The following BLMH variants were observed in gnomAD, a reference collection of about 807,000 sequenced individuals.
The protein encoded by BLMH is BLM hydrolase.
In BLMH, 32 loss-of-function variants were observed where a neutral mutation model predicts 61.6. The observed-to-expected ratio is 0.52, with a 90% CI of 0.39 to 0.70. BLMH has a LOEUF of 0.70. Among genes scored for constraint, BLMH ranks in the 30% least tolerant of loss-of-function variants. The probability of loss-of-function intolerance (pLI) is 0.00; values close to 1 mark genes in which losing one functional copy is unlikely to be tolerated. For missense variants in BLMH, 460 were observed against 555.5 expected, an observed-to-expected ratio of 0.83 and a Z score of 1.73; for synonymous variants, 183 against 193.8, an observed-to-expected ratio of 0.94 and a Z score of 0.46.
chr17:30,275,231 AGAG>A (rs1384962056), intron 6 of BLMH, among the ~76,000 whole-genome samples: 2 of 152,118 alleles, frequency 1.3e-5, no homozygotes, highest in East Asian at 3.9e-4. Flanking sequence ...AATAAAAAGA[AGAG>A]GAGTGACTTT....
At chr17:30,284,702 T>C (rs1908681374) in intron 6 of BLMH, among the ~76,000 whole-genome samples, 2 of 152,342 alleles carry the variant, frequency 1.3e-5, no homozygotes, top group East Asian at 1.9e-4. Flanking sequence ...TAACCATCAA[T>C]AGCTCCGTCT....
At chr17:30,270,423 GC>G (rs143017963) in intron 10 of BLMH, among the ~76,000 whole-genome samples, 7,988 of 150,506 alleles carry the variant, frequency 0.053, 262 homozygotes, top group Middle Eastern at 0.079. Context: ...AATCTTTTGA[GC>G]CCCAGAGGTG....
At chr17:30,267,993 A>G (rs963367341) in intron 10 of BLMH, among the ~76,000 whole-genome samples, 1 of 152,204 alleles carries the variant, frequency 6.6e-6, no homozygotes, top group African/African-American at 2.4e-5. Flanking sequence ...TCTCACAAAT[A>G]GCGCCAACAA....
At chr17:30,268,827 A>G (rs1209239292) in intron 10 of BLMH, among the ~76,000 whole-genome samples, 1 of 150,966 alleles carries the variant, frequency 6.6e-6, no homozygotes, top group African/African-American at 2.4e-5. Context: ...GCTTGAGGTC[A>G]GGAGTTCAAG....
chr17:30,261,457 G>A (rs1447876115), intron 11 of BLMH, among the ~76,000 whole-genome samples: 1 of 152,152 alleles, frequency 6.6e-6, no homozygotes, highest in Non-Finnish European at 1.5e-5. Flanking sequence ...AATATGGGCT[G>A]TTCATAACTC....
At chr17:30,283,950 C>T (rs956348015) in intron 6 of BLMH, among the ~76,000 whole-genome samples, 1 of 152,122 alleles carries the variant, frequency 6.6e-6, no homozygotes, top group African/African-American at 2.4e-5. Flanking sequence ...AGGCACTATG[C>T]CTTGCATGCT....
At chr17:30,262,455 GTTTAC>G (rs1907982470) in intron 11 of BLMH, among the ~76,000 whole-genome samples, 1 of 152,152 alleles carries the variant, frequency 6.6e-6, no homozygotes, top group South Asian at 2.1e-4. Flanking sequence ...ATACAATCCT[GTTTAC>G]TTTATATATG....
chr17:30,259,586 C>T (rs1054002603), intron 11 of BLMH, among the ~76,000 whole-genome samples: 5 of 152,118 alleles, frequency 3.3e-5, no homozygotes, highest in South Asian at 2.1e-4. Flanking sequence ...CTGCTTTTCT[C>T]GGTCTATTTA....
At chr17:30,263,757 A>G (rs539980326) in intron 11 of BLMH, among the ~76,000 whole-genome samples, 1 of 152,340 alleles carries the variant, frequency 6.6e-6, no homozygotes, top group East Asian at 1.9e-4. Flanking sequence ...AGGGCTGGGC[A>G]AAGGGGAAAG....
At position 30,266,904 on chromosome 17, in the gene BLMH, A is replaced by C; in HGVS notation, c.1197T>G (p.Gly399=). Residue 399 remains glycine, a synonymous_variant, in exon 11 of 12, where the codon GGT becomes GGG. Transcript: ENST00000261714. The part of the protein sequence containing the change: ...FTKWRVENSW[G]EDHGHKGYLC... ...GCTCACCTTTGTGGCCATGGTCTTC[A>C]CCCCATGAATTCTCCACTCTCCATT... 1 of 1,614,112 alleles carries C rather than the reference A, an allele frequency of 6.2e-7. No homozygotes were observed. The highest frequency in any genetic ancestry group is 8.5e-7 in the Non-Finnish European group (1 of 1,179,984).
intron 5 of BLMH, 92 bp downstream of exon 5, chr17:30,286,722 C>T: frequency 1.2e-6 from 1 of 839,438 alleles, no homozygotes; most frequent in Admixed American, 2.4e-5. Flanking sequence ...TGTACACAAA[C>T]TGTATACAGA....
chr17:30,285,461 C>G lies in BLMH; in HGVS notation c.572G>C (p.Arg191Pro). The G allele has an allele frequency of 7.4e-6, 12 of 1,611,438 alleles. No homozygotes were observed. The highest frequency in any genetic ancestry group is 1.0e-5 in the Non-Finnish European group (12 of 1,178,760). The change falls in exon 6 of 12, where the codon CGA (arginine) becomes CCA (proline). Residue 191 changes from arginine (R) to proline (P), a missense_variant. Transcript: ENST00000261714. ...LNHKMREFCI[R>P]LRNLVHSGAT... The stretch of plus-strand genomic sequence containing the variant: ...TCCACTGTGTACCAGGTTCCGCAGT[C>G]GTATACAGAATTCTCTCATCTATGA...
chr17:30,272,307 G>A, intron 9 of BLMH: 1 of 525,978 alleles, frequency 1.9e-6, no homozygotes, highest in East Asian at 3.0e-5. Context: ...TTCTCATAGA[G>A]GATGGCTTTT....
At position 30,291,297 on chromosome 17, in the gene BLMH, G is replaced by A; in HGVS notation, c.211+14C>T. 4 of 1,604,822 alleles carry A rather than the reference G, an allele frequency of 2.5e-6. No homozygotes were observed. The highest frequency in any genetic ancestry group is 2.2e-5 in the East Asian group (1 of 44,726). ...GAAGGTCAAGGAACGTATGGGAGAA[G>A]TGGAAGCCCACACCTGAGCTCTTCT... On this transcript the variant is annotated intron_variant, in intron 2 of 11. Coordinates refer to ENST00000261714, the MANE Select transcript of BLMH (RefSeq NM_000386.4).
intron 11 of BLMH, among the ~76,000 whole-genome samples, chr17:30,253,686 G>T (rs1378389952): frequency 6.6e-6 from 1 of 152,014 alleles, no homozygotes; most frequent in Non-Finnish European, 1.5e-5. Context: ...AAAAAGAAAA[G>T]AAAACAAAAT....
chr17:30,253,158 G>A (rs1329812239), intron 11 of BLMH, among the ~76,000 whole-genome samples: 1 of 152,154 alleles, frequency 6.6e-6, no homozygotes, highest in Non-Finnish European at 1.5e-5. Context: ...CAGTTAGGCA[G>A]GTGAAGGATA....
intron 11 of BLMH, among the ~76,000 whole-genome samples, chr17:30,262,987 G>C (rs1019058224): frequency 2.6e-5 from 4 of 152,130 alleles, no homozygotes; most frequent in African/African-American, 9.7e-5. Context: ...AGCCACAAAT[G>C]ATGCTCTAGG....
At chr17:30,291,575 G>A in intron 1 of BLMH, 67 bp from the exon 2 acceptor site, 1 of 1,574,870 alleles carries the variant, frequency 6.3e-7, no homozygotes, top group Non-Finnish European at 8.7e-7. Context: ...GGGCTCCCGC[G>A]TCCCGAATCT....
At chr17:30,251,510 C>T (rs1372972258) in intron 11 of BLMH, among the ~76,000 whole-genome samples, 1 of 152,228 alleles carries the variant, frequency 6.6e-6, no homozygotes, top group Non-Finnish European at 1.5e-5. Context: ...GTCATCTGAC[C>T]GTATCTGCTA....
Sources: allele counts gnomAD v4.1 joint callset (sites outside exome capture counted in the v4.1 genomes callset), GRCh38; gene constraint gnomAD v4.1.1; transcripts MANE v1.5; gene names NCBI Gene and HGNC (gene_info 2026-07-23, HGNC 2026-07-21).